GPR63: variants seen among roughly 807,000 people sequenced by gnomAD.
The protein encoded by GPR63 is G protein-coupled receptor 63.
A neutral mutation model predicts 23.1 loss-of-function variants in GPR63; 12 were observed. The observed-to-expected ratio is 0.52, with a 90% confidence interval of 0.33 to 0.84. The LOEUF (loss-of-function observed/expected upper bound fraction) is 0.84, where lower values mean the gene tolerates loss of function less well. GPR63 is among the 40% of genes least tolerant of loss of function. The probability of loss-of-function intolerance (pLI) is 0.02; values close to 1 mark genes in which losing one functional copy is unlikely to be tolerated. For missense variants in GPR63, 472 were observed against 515.6 expected (o/e 0.92, Z 0.82); for synonymous variants, 172 against 191.1 (o/e 0.90, Z 0.82).
chr6:96,835,963 C>T lies in GPR63; in HGVS notation c.-151+1305G>A, dbSNP rs35714433. On this transcript the variant is annotated intron_variant, in intron 1 of 1. Transcript: ENST00000229955. ...ACTCTTTTATTTAAATAAGCTCCCA[C>T]ATTCTGTTTTTATTGTTCAAAATGA... is the stretch of plus-strand genomic sequence containing the variant. 8.4e-3 allele frequency among the ~76,000 whole-genome samples: 1,285 copies of T among 152,266 alleles called. 20 individuals are homozygous for T. The highest frequency in any genetic ancestry group is 0.029 in the African/African-American group (1,199 of 41,558).
chr6:96,824,126 T>C (rs912089696), intron 1 of GPR63, among the ~76,000 whole-genome samples: 2 of 152,138 alleles, frequency 1.3e-5, no homozygotes, highest in African/African-American at 4.8e-5. Flanking sequence ...TTGGAAGTTA[T>C]AGTTTATTTG....
At chr6:96,812,650 C>T (rs1407930225) in intron 1 of GPR63, among the ~76,000 whole-genome samples, 3 of 152,156 alleles carry the variant, frequency 2.0e-5, no homozygotes, top group Admixed American at 2.0e-4. Flanking sequence ...TAAGTCCTAT[C>T]GGTGATAGGT....
intron 1 of GPR63, among the ~76,000 whole-genome samples, chr6:96,829,264 C>T (rs145211056): frequency 2.9e-4 from 44 of 152,294 alleles, no homozygotes; most frequent in Non-Finnish European, 4.9e-4. Context: ...TAACAAGCAT[C>T]AAAGAACTGG....
rs779954435 is a variant in GPR63, at chr6:96,799,741, A to C, written c.-10T>G. 1 of 1,614,144 alleles carries C rather than the reference A, an allele frequency of 6.2e-7. No individual in the cohort carries two copies. Among genetic ancestry groups the C allele is most frequent in the Admixed American group, 1.7e-5 (1 of 60,028 alleles). The stretch of plus-strand genomic sequence containing the variant: ...CTGCCGAGAAGACCATGGTTTCAGT[A>C]GGATGGAAGATGCAAGCAGAGATGC... On this transcript the variant is annotated 5_prime_UTR_variant, in exon 2 of 2. Transcript: ENST00000229955.
In GPR63 at chr6:96,794,798, T is replaced by C. The variant is rs1174988346; in HGVS notation, c.*3674A>G. ...CATGACTTTCAATTAAGTCACCCAT[T>C]TTGCTCTACTGTGAAGCTATATGCT... On this transcript the variant is annotated 3_prime_UTR_variant, in exon 2 of 2. Transcript: ENST00000229955. The C allele has an allele frequency of 6.6e-6, 1 of 152,068 alleles. No individual in the cohort carries two copies. The highest frequency in any genetic ancestry group is 2.4e-5 in the African/African-American group (1 of 41,400). 9.4% of individuals were successfully genotyped at this position (152,068 alleles called of 1,614,324 possible).
intron 1 of GPR63, among the ~76,000 whole-genome samples, chr6:96,826,666 G>A (rs886868616): frequency 1.3e-4 from 19 of 151,956 alleles, no homozygotes; most frequent in African/African-American, 4.1e-4. Flanking sequence ...TTTGAGTTGC[G>A]ATTACAGAAT....
chr6:96,818,222 G>A (rs1339093291), intron 1 of GPR63, among the ~76,000 whole-genome samples: 1 of 152,016 alleles, frequency 6.6e-6, no homozygotes, highest in Non-Finnish European at 1.5e-5. Flanking sequence ...AGCACTTTAG[G>A]AGGCCAAGGC....
chr6:96,800,246 G>T lies in GPR63; in HGVS notation c.-150-365C>A, dbSNP rs1773727302. Among the ~76,000 whole-genome samples, 4 of 152,000 alleles carry T rather than the reference G, an allele frequency of 2.6e-5. No individual in the cohort carries two copies. The South Asian group carries it at 6.2e-4, about 24-fold the overall frequency. ...CTTTGCTATAGTCACTATTAATACAGATTTTTATTACCTGGTTCTCTTGAG... is the reference window on the plus strand; with the variant it reads ...CTTTGCTATAGTCACTATTAATACATATTTTTATTACCTGGTTCTCTTGAG... On this transcript the variant is annotated intron_variant, in intron 1 of 1. Coordinates refer to ENST00000229955, the MANE Select transcript of GPR63 (RefSeq NM_030784.4).
chr6:96,822,782 A>G (rs2127956806), intron 1 of GPR63, among the ~76,000 whole-genome samples: 1 of 152,310 alleles, frequency 6.6e-6, no homozygotes, highest in East Asian at 1.9e-4. Flanking sequence ...CATGGTAACT[A>G]CTGGGTTATG....
intron 1 of GPR63, among the ~76,000 whole-genome samples, chr6:96,820,993 T>A (rs1211107887): frequency 6.6e-6 from 1 of 152,124 alleles, no homozygotes; most frequent in South Asian, 2.1e-4. Context: ...GGGGAAACAA[T>A]AGTCTATCTA....
rs1172379137 is a variant in GPR63, at chr6:96,828,499, T to C, written c.-151+8769A>G. Among the ~76,000 whole-genome samples, 3 of 148,526 alleles carry C rather than the reference T, an allele frequency of 2.0e-5. No individual in the cohort carries two copies. The East Asian group carries it at 5.9e-4, about 29-fold the overall frequency. On this transcript the variant is annotated intron_variant, in intron 1 of 1. Transcript: ENST00000229955. The stretch of plus-strand genomic sequence containing the variant: ...AGAGTATATATTAAAATTGTCTGGG[T>C]AACCACTAAAATAATAGATGTAGAA...
intron 1 of GPR63, among the ~76,000 whole-genome samples, chr6:96,834,502 A>C (rs1238898581): frequency 6.6e-6 from 1 of 152,116 alleles, no homozygotes; most frequent in Admixed American, 6.6e-5. Flanking sequence ...AACTCTGTGA[A>C]ACTCATTCAT....
At chr6:96,835,840 A>G (rs1562129468) in intron 1 of GPR63, among the ~76,000 whole-genome samples, 1 of 152,196 alleles carries the variant, frequency 6.6e-6, no homozygotes, top group African/African-American at 2.4e-5. Flanking sequence ...ACTTCCCATT[A>G]CAAACAATAT....
In GPR63 at chr6:96,798,836, G is replaced by A; in HGVS notation, c.896C>T (p.Pro299Leu). 1 of 1,614,196 alleles carries A rather than the reference G, an allele frequency of 6.2e-7. No individual in the cohort carries two copies. Among genetic ancestry groups the A allele is most frequent in the Admixed American group, 1.7e-5 (1 of 60,024 alleles). ...GCCCATGTCAATGCTCATCTGGAAA[G>A]GTCTCTGCAGACTCATGAGACCCAG... ...SKLGLMSLQR[P>L]FQMSIDMGFK... The change falls in exon 2 of 2, where the codon CCT (proline) becomes CTT (leucine). Residue 299 changes from proline (P) to leucine (L), a missense_variant. Coordinates refer to ENST00000229955, the MANE Select transcript of GPR63 (RefSeq NM_030784.4).
At chr6:96,801,794 T>A (rs546256245) in intron 1 of GPR63, among the ~76,000 whole-genome samples, 1 of 152,308 alleles carries the variant, frequency 6.6e-6, no homozygotes, top group East Asian at 1.9e-4. Context: ...CACTTTGTAA[T>A]ACAAAACATA....
chr6:96,830,326 T>C (rs1774548135), intron 1 of GPR63, among the ~76,000 whole-genome samples: 1 of 152,204 alleles, frequency 6.6e-6, no homozygotes, highest in Non-Finnish European at 1.5e-5. Context: ...TATTCTGAAC[T>C]TTCCTATAAA....
intron 1 of GPR63, among the ~76,000 whole-genome samples, chr6:96,829,244 G>A (rs568634676): frequency 1.3e-5 from 2 of 152,292 alleles, no homozygotes; most frequent in South Asian, 4.2e-4. Flanking sequence ...ATTGTCCATG[G>A]AGCTAACCTT....
intron 1 of GPR63, among the ~76,000 whole-genome samples, chr6:96,827,562 A>G (rs550937875): frequency 5.3e-5 from 8 of 152,250 alleles, no homozygotes; most frequent in African/African-American, 1.9e-4. Flanking sequence ...TTCATACCCA[A>G]AAACATCAGA....
At chr6:96,810,380 C>G (rs1038536352) in intron 1 of GPR63, among the ~76,000 whole-genome samples, 3 of 151,770 alleles carry the variant, frequency 2.0e-5, no homozygotes, top group Non-Finnish European at 4.4e-5. Context: ...CCTCTAATCC[C>G]AGCTACTCAG....
Sources: allele counts gnomAD v4.1 joint callset (sites outside exome capture counted in the v4.1 genomes callset), GRCh38; gene constraint gnomAD v4.1.1; transcripts MANE v1.5; gene names NCBI Gene and HGNC (gene_info 2026-07-23, HGNC 2026-07-21).